Variants in SNX8 observed in about 807,000 individuals in gnomAD.
The protein encoded by SNX8 is sorting nexin-8.
In SNX8, 25 loss-of-function variants were observed where a neutral mutation model predicts 51.6. That is an observed-to-expected ratio of 0.48 (90% CI 0.35 to 0.68). SNX8 has a LOEUF of 0.68. Ranked by LOEUF, SNX8 falls within the 30% of genes least tolerant of loss-of-function variation. SNX8 has a pLI of 0.00. For missense variants in SNX8, 695 were observed against 624.0 expected (o/e 1.11, Z -1.21); for synonymous variants, 324 against 277.0 (o/e 1.17, Z -1.68).
chr7:2,333,785 C>G (rs532399581), intron 1 of SNX8, among the ~76,000 whole-genome samples: 10 of 152,240 alleles, frequency 6.6e-5, no homozygotes, highest in African/African-American at 2.4e-4. Flanking sequence ...AAAAATGAAC[C>G]TCAATTCTTC....
At chr7:2,334,001 G>A (rs1323871994) in intron 1 of SNX8, among the ~76,000 whole-genome samples, 2 of 152,124 alleles carry the variant, frequency 1.3e-5, no homozygotes, top group African/African-American at 2.4e-5. Flanking sequence ...CAGGCAGAGG[G>A]GCACACACCT....
intron 2 of SNX8, 123 bp downstream of exon 2, chr7:2,277,977 G>A: frequency 2.8e-6 from 4 of 1,443,960 alleles, no homozygotes; most frequent in South Asian, 2.8e-5. Context: ...GATCTTGCCT[G>A]TAAGCCAGCC....
intron 1 of SNX8, among the ~76,000 whole-genome samples, chr7:2,341,508 G>C (rs893077911): frequency 3.3e-5 from 5 of 151,372 alleles, no homozygotes; most frequent in Non-Finnish European, 7.4e-5. Context: ...TCAAAAAAAA[G>C]CAAAAATGAA....
rs117955009 is a variant in SNX8, at chr7:2,308,981, G to T, written c.94+5347C>A. Among the ~76,000 whole-genome samples, 90 of 152,106 alleles carry T rather than the reference G, an allele frequency of 5.9e-4. No individual in the cohort carries two copies. The East Asian group carries it at 0.015, about 25-fold the overall frequency. ...ATTATTGGATTTTTGTACAGACGGGGTTTCACCATGTTGGCCAGGCTGGTC... is the reference window on the plus strand; with the variant it reads ...ATTATTGGATTTTTGTACAGACGGGTTTTCACCATGTTGGCCAGGCTGGTC... On this transcript the variant is annotated intron_variant, in intron 1 of 10. Coordinates refer to ENST00000222990, the MANE Select transcript of SNX8 (RefSeq NM_013321.4).
At chr7:2,282,144 TGTCCCTG>T (rs1373825174) in intron 1 of SNX8, among the ~76,000 whole-genome samples, 1 of 152,176 alleles carries the variant, frequency 6.6e-6, no homozygotes, top group African/African-American at 2.4e-5. Context: ...ATTCAATAAG[TGTCCCTG>T]ACTTCCTTCC....
chr7:2,258,424 G>A (rs962058468), intron 7 of SNX8, among the ~76,000 whole-genome samples: 3 of 152,070 alleles, frequency 2.0e-5, no homozygotes, highest in African/African-American at 4.8e-5. Context: ...TCGCAAAGCC[G>A]GCGACTCTCC....
At chr7:2,264,569 G>A in intron 5 of SNX8, 111 bp from the exon 6 acceptor site, 1 of 1,013,130 alleles carries the variant, frequency 9.9e-7, no homozygotes, top group Non-Finnish European at 1.4e-6. Flanking sequence ...GCAGGTCCAT[G>A]AGCCACCCCG....
chr7:2,311,794 G>A lies in SNX8; in HGVS notation c.94+2534C>T, dbSNP rs546654783. 5.1e-3 allele frequency among the ~76,000 whole-genome samples: 781 copies of A among 151,988 alleles called. 3 individuals carry two copies. Among genetic ancestry groups the A allele is most frequent in the African/African-American group, 0.014 (579 of 41,454 alleles). ...CTACTAAAAATACAAAAAATTAGCC[G>A]GGCGTGGTGGCGGGCGCCTGTAGTC... On this transcript the variant is annotated intron_variant, in intron 1 of 10. Transcript: ENST00000222990.
chr7:2,325,572 A>T (rs1027298221), intron 1 of SNX8, among the ~76,000 whole-genome samples: 3 of 152,130 alleles, frequency 2.0e-5, no homozygotes, highest in African/African-American at 7.2e-5. Context: ...TCATGCCTGT[A>T]ATCTCAGCAC....
Position 2,281,925 on chromosome 7 carries a change from C to A in SNX8, c.95-3620G>T, listed in dbSNP as rs143922985. On this transcript the variant is annotated intron_variant, in intron 1 of 10. Transcript: ENST00000222990. ...CCCCCACAGGCCCCTCGAACGACAGCCCCTCCCCACTCCAACCCTTCTGGC... is the reference window on the plus strand; with the variant it reads ...CCCCCACAGGCCCCTCGAACGACAGACCCTCCCCACTCCAACCCTTCTGGC... 6.5e-3 allele frequency among the ~76,000 whole-genome samples: 988 copies of A among 152,224 alleles called. 7 individuals are homozygous for A. Among genetic ancestry groups the A allele is most frequent in the African/African-American group, 0.023 (946 of 41,538 alleles).
intron 1 of SNX8, among the ~76,000 whole-genome samples, chr7:2,333,741 A>T (rs1335383084): frequency 6.6e-6 from 1 of 152,220 alleles, no homozygotes; most frequent in Non-Finnish European, 1.5e-5. Context: ...AATTCAATTA[A>T]CCTCATTGAA....
At chr7:2,290,083 C>G (rs1300806297) in intron 1 of SNX8, among the ~76,000 whole-genome samples, 1 of 152,084 alleles carries the variant, frequency 6.6e-6, no homozygotes, top group East Asian at 1.9e-4. Context: ...ATCCCAGCTA[C>G]TCAGGAGGCT....
intron 1 of SNX8, among the ~76,000 whole-genome samples, chr7:2,341,526 G>T (rs1778924965): frequency 1.3e-5 from 2 of 151,602 alleles, no homozygotes; most frequent in East Asian, 2.0e-4. Context: ...GAAGTTGAAG[G>T]CTAGGTGCCA....
intron 10 of SNX8, among the ~76,000 whole-genome samples, chr7:2,256,143 G>A (rs990573515): frequency 6.7e-6 from 1 of 148,212 alleles, no homozygotes; most frequent in Non-Finnish European, 1.5e-5. Flanking sequence ...ATCTCACAGT[G>A]ATGCTCCTAA....
chr7:2,280,698 T>A (rs903087852), intron 1 of SNX8, among the ~76,000 whole-genome samples: 1 of 152,120 alleles, frequency 6.6e-6, no homozygotes. Context: ...TCTTTAACTC[T>A]CGATTGTCTC....
At chr7:2,311,485 A>C (rs906360647) in intron 1 of SNX8, among the ~76,000 whole-genome samples, 130 of 152,078 alleles carry the variant, frequency 8.5e-4, no homozygotes, top group Non-Finnish European at 1.5e-3. Context: ...AGCCTCCCCA[A>C]GTGCTGTGAT....
At chr7:2,319,626 T>C (rs1004423309) in intron 1 of SNX8, among the ~76,000 whole-genome samples, 3 of 152,062 alleles carry the variant, frequency 2.0e-5, no homozygotes, top group Admixed American at 2.0e-4. Flanking sequence ...CCATCCTGGC[T>C]AACACGGTGA....
At chr7:2,255,665 C>A (rs929627921) in intron 10 of SNX8, among the ~76,000 whole-genome samples, 1 of 152,210 alleles carries the variant, frequency 6.6e-6, no homozygotes, top group Non-Finnish European at 1.5e-5. Context: ...TGTGATTGCA[C>A]CACTGCACTC....
At chr7:2,338,491 C>A (rs923680059) in intron 1 of SNX8, among the ~76,000 whole-genome samples, 1 of 149,424 alleles carries the variant, frequency 6.7e-6, no homozygotes, top group African/African-American at 2.5e-5. Context: ...AAAAAATTGG[C>A]GGGCGTGGTG....
Sources: gnomAD v4.1 joint callset for allele counts (sites outside exome capture counted in the v4.1 genomes callset) on GRCh38, gnomAD v4.1.1 for gene constraint, MANE v1.5 for transcripts, NCBI Gene and HGNC (gene_info 2026-07-23, HGNC 2026-07-21) for gene names.